The following NLGN4X variants were observed in gnomAD, a reference collection of about 807,000 sequenced individuals.
NLGN4X encodes the protein neuroligin 4 X-linked.
Under a neutral mutation model 40.3 loss-of-function variants are expected in NLGN4X, and 3 were observed. That is an observed-to-expected ratio of 0.07 (90% confidence interval 0.03 to 0.19). The LOEUF is 0.19. NLGN4X is among the 10% of genes least tolerant of loss of function. The pLI, the probability that NLGN4X is intolerant of heterozygous loss-of-function variation, is 1.00. For synonymous variants in NLGN4X, 270 were observed against 306.8 expected (o/e 0.88, Z 1.25); for missense variants, 382 against 708.3 (o/e 0.54, Z 5.23).
chrX:5,987,096 C>A (rs1739285519), intron 3 of NLGN4X, among the ~76,000 whole-genome samples: 1 of 111,372 alleles, frequency 9.0e-6, no homozygotes, highest in South Asian at 3.8e-4. Flanking sequence ...ATAAAATGGA[C>A]ATAGGGACTG....
At chrX:6,068,046 T>G (rs188182098) in intron 2 of NLGN4X, among the ~76,000 whole-genome samples, 56 of 111,852 alleles carry the variant, frequency 5.0e-4, no homozygotes, top group African/African-American at 1.8e-3. Context: ...CCGTATAGTT[T>G]TAGGTGAGCA....
intron 3 of NLGN4X, among the ~76,000 whole-genome samples, chrX:5,925,851 C>CATAT (rs774766613): frequency 5.8e-4 from 21 of 36,400 alleles, no homozygotes; most frequent in African/African-American, 1.8e-3. Context: ...TATACATACA[C>CATAT]ATATATATAT....
chrX:6,170,381 G>A (rs142758212), intron 1 of NLGN4X, among the ~76,000 whole-genome samples: 1,427 of 112,381 alleles, frequency 0.013, 31 homozygotes, highest in African/African-American at 0.043. Context: ...ATTGCAGACC[G>A]AGCAAGTCAG....
chrX:6,113,363 G>A (rs1242937851), intron 2 of NLGN4X, among the ~76,000 whole-genome samples: 1 of 110,954 alleles, frequency 9.0e-6, no homozygotes, highest in Non-Finnish European at 1.9e-5. Flanking sequence ...TAAAATTAAA[G>A]TTTCTTTTAA....
intron 2 of NLGN4X, among the ~76,000 whole-genome samples, chrX:6,082,752 G>C (rs1199055593): frequency 9.2e-6 from 1 of 109,019 alleles, no homozygotes; most frequent in Non-Finnish European, 1.9e-5. Context: ...GGCAGCTCCC[G>C]GGCAGGTAGA....
chrX:5,924,200 T>C (rs899606266), intron 3 of NLGN4X, among the ~76,000 whole-genome samples: 6 of 111,673 alleles, frequency 5.4e-5, no homozygotes, highest in African/African-American at 1.9e-4. Context: ...TCCACAGCAA[T>C]TTGCTGAATA....
Position 6,227,681 on chromosome X carries a change from G to T in NLGN4X, c.-306+860C>A, listed in dbSNP as rs750496885. The T allele has an allele frequency of 2.5e-3, 274 of 111,277 alleles. 2 individuals are homozygous for T. The highest frequency in any genetic ancestry group is 4.7e-3 in the Middle Eastern group (1 of 214). The allele number at this position is 111,277 out of a possible 1,213,427, so 9.2% of individuals were successfully genotyped here. On this transcript the variant is annotated intron_variant, in intron 1 of 5. Transcript: ENST00000381095. ...GCTCCCCGGTTTACAGAAGCAGCCC[G>T]GAGCTACCGTCATTTCATCTTCACG... is the stretch of plus-strand genomic sequence containing the variant.
At chrX:5,946,020 A>T (rs1044591772) in intron 3 of NLGN4X, among the ~76,000 whole-genome samples, 1 of 111,722 alleles carries the variant, frequency 9.0e-6, no homozygotes, top group Admixed American at 9.6e-5. Context: ...AGCCATATGG[A>T]AAAAGAGGCT....
intron 3 of NLGN4X, among the ~76,000 whole-genome samples, chrX:5,927,085 T>C (rs1011047773): frequency 7.2e-5 from 8 of 111,498 alleles, no homozygotes. Flanking sequence ...GGTTTTCTTT[T>C]GTTAAAAAAG....
At chrX:6,036,592 A>G (rs1319244890) in intron 2 of NLGN4X, among the ~76,000 whole-genome samples, 1 of 92,938 alleles carries the variant, frequency 1.1e-5, no homozygotes, top group Non-Finnish European at 2.1e-5. Context: ...TCAAGAATAA[A>G]CCCAGCTTGT....
chrX:6,100,446 G>A (rs1202471966), intron 2 of NLGN4X, among the ~76,000 whole-genome samples: 2 of 112,501 alleles, frequency 1.8e-5, no homozygotes, highest in Non-Finnish European at 3.8e-5. Flanking sequence ...CATTTACTTT[G>A]GTTTTATGCA....
chrX:6,099,391 C>A (rs1465199901), intron 2 of NLGN4X, among the ~76,000 whole-genome samples: 1 of 112,129 alleles, frequency 8.9e-6, no homozygotes, highest in Admixed American at 9.5e-5. Context: ...TATGTAACAA[C>A]AAAGAATGCT....
At chrX:5,966,643 C>T (rs748668331) in intron 3 of NLGN4X, among the ~76,000 whole-genome samples, 5 of 112,227 alleles carry the variant, frequency 4.5e-5, no homozygotes, top group Non-Finnish European at 9.4e-5. Flanking sequence ...GCTTTAATAT[C>T]GTATTTAAAT....
intron 1 of NLGN4X, among the ~76,000 whole-genome samples, chrX:6,210,262 GTGTGTGTGTGTGTA>G (rs771985570): frequency 1.5e-3 from 152 of 101,130 alleles, no homozygotes; most frequent in Non-Finnish European, 1.8e-3. Flanking sequence ...GTGTGTGTGT[GTGTGTGTGTGTGTA>G]TGTATGTAAT....
At chrX:5,996,364 A>G (rs1445511018) in intron 3 of NLGN4X, among the ~76,000 whole-genome samples, 2 of 111,717 alleles carry the variant, frequency 1.8e-5, no homozygotes, top group African/African-American at 3.3e-5. Flanking sequence ...TTTCTGTGCT[A>G]CCGAGTTTGA....
intron 3 of NLGN4X, among the ~76,000 whole-genome samples, chrX:6,005,297 C>T (rs181425016): frequency 1.8e-5 from 2 of 111,779 alleles, no homozygotes; most frequent in African/African-American, 3.2e-5. Flanking sequence ...AATGGACCAA[C>T]GAATACATAC....
intron 1 of NLGN4X, among the ~76,000 whole-genome samples, chrX:6,183,518 G>C (rs935381024): frequency 2.7e-4 from 30 of 109,494 alleles, no homozygotes; most frequent in African/African-American, 1.0e-3. Context: ...CTGCACTCCA[G>C]CCTGGACGAG....
chrX:6,091,593 A>T (rs961704606), intron 2 of NLGN4X, among the ~76,000 whole-genome samples: 16 of 109,678 alleles, frequency 1.5e-4, no homozygotes, highest in African/African-American at 5.3e-4. Flanking sequence ...TCATTCACAT[A>T]AAAAAAAAGC....
intron 1 of NLGN4X, among the ~76,000 whole-genome samples, chrX:6,171,288 T>A (rs1195069076): frequency 8.9e-6 from 1 of 112,392 alleles, no homozygotes; most frequent in Non-Finnish European, 1.9e-5. Context: ...TTGTTCAATT[T>A]TTCTGAATGT....
Sources: gnomAD v4.1 joint callset for allele counts (sites outside exome capture counted in the v4.1 genomes callset) on GRCh38, gnomAD v4.1.1 for gene constraint, MANE v1.5 for transcripts, NCBI Gene and HGNC (gene_info 2026-07-23, HGNC 2026-07-21) for gene names.